GRM7: variants seen among roughly 807,000 people sequenced by gnomAD.
GRM7 encodes the protein metabotropic glutamate receptor 7.
GRM7 carries 35 observed loss-of-function variants against 84.5 expected under a neutral mutation model. The ratio of observed to expected loss-of-function variants is 0.41; its 90% CI spans 0.32 to 0.55. The LOEUF is 0.55. GRM7 is among the 20% of genes least tolerant of loss of function. The pLI, the probability that GRM7 is intolerant of heterozygous loss-of-function variation, is 0.19. For missense variants in GRM7, 1,003 were observed against 1,194.6 expected, an observed-to-expected ratio of 0.84 and a Z score of 2.36; for synonymous variants, 487 against 455.1, an observed-to-expected ratio of 1.07 and a Z score of -0.89.
At chr3:7,463,973 C>G (rs79734985) in intron 7 of GRM7, among the ~76,000 whole-genome samples, 1 of 152,084 alleles carries the variant, frequency 6.6e-6, no homozygotes, top group African/African-American at 2.4e-5. Context: ...AGCAGAAAGA[C>G]CAATTATGAT....
intron 7 of GRM7, among the ~76,000 whole-genome samples, chr3:7,552,308 T>C (rs1163334956): frequency 6.6e-6 from 1 of 152,168 alleles, no homozygotes; most frequent in Non-Finnish European, 1.5e-5. Flanking sequence ...CCTGGTTGCT[T>C]TCATCGGCTG....
chr3:7,218,726 C>T (rs1281499891), intron 2 of GRM7, among the ~76,000 whole-genome samples: 2 of 151,940 alleles, frequency 1.3e-5, no homozygotes, highest in Non-Finnish European at 2.9e-5. Flanking sequence ...TATTCATAAT[C>T]TCTACATTTC....
intron 7 of GRM7, among the ~76,000 whole-genome samples, chr3:7,494,793 CT>C (rs1559361080): frequency 6.6e-6 from 1 of 152,108 alleles, no homozygotes; most frequent in Non-Finnish European, 1.5e-5. Flanking sequence ...TCACTGGGTT[CT>C]TTTTCATAAT....
In GRM7 at chr3:7,654,176, C is replaced by T. The variant is rs374380370; in HGVS notation, c.2452-25873C>T. ...CTTATGGCAAGCCCCTTCAAAACAG[C>T]TTTGAAAAAGACCTTTGCGCAAGTA... On this transcript the variant is annotated intron_variant, in intron 8 of 9. Transcript: ENST00000357716. 1.2e-4 allele frequency among the ~76,000 whole-genome samples: 18 copies of T among 152,288 alleles called. No individual in the cohort carries two copies. The East Asian group carries it at 2.7e-3, about 23-fold the overall frequency.
At chr3:7,499,579 T>C (rs896905777) in intron 7 of GRM7, among the ~76,000 whole-genome samples, 6 of 152,182 alleles carry the variant, frequency 3.9e-5, no homozygotes, top group African/African-American at 1.4e-4. Context: ...CAAAATTCTC[T>C]GAGTAGGGAC....
At chr3:7,005,652 A>G (rs1163141271) in intron 1 of GRM7, among the ~76,000 whole-genome samples, 5 of 152,236 alleles carry the variant, frequency 3.3e-5, no homozygotes, top group African/African-American at 4.8e-5. Flanking sequence ...ATAGTTAGCC[A>G]TTGTTAGTAA....
At chr3:7,221,531 T>C (rs1420977792) in intron 2 of GRM7, among the ~76,000 whole-genome samples, 1 of 152,052 alleles carries the variant, frequency 6.6e-6, no homozygotes, top group Non-Finnish European at 1.5e-5. Context: ...TTAGTTGACT[T>C]AGTCAATCTC....
chr3:7,726,796 A>G (rs552471468), intron 9 of GRM7, among the ~76,000 whole-genome samples: 1 of 150,454 alleles, frequency 6.6e-6, no homozygotes, highest in African/African-American at 2.4e-5. Context: ...CATCCAATAA[A>G]TTTAATATTG....
intron 8 of GRM7, among the ~76,000 whole-genome samples, chr3:7,612,455 G>A (rs1696889618): frequency 6.6e-6 from 1 of 152,174 alleles, no homozygotes; most frequent in South Asian, 2.1e-4. Flanking sequence ...AACCTCCTAG[G>A]AATGAGTGGA....
intron 4 of GRM7, among the ~76,000 whole-genome samples, chr3:7,383,469 T>C (rs1168900084): frequency 1.3e-5 from 2 of 152,214 alleles, no homozygotes; most frequent in African/African-American, 4.8e-5. Flanking sequence ...AAATAATACC[T>C]TGTATACATA....
chr3:7,082,920 G>A (rs772375337), intron 1 of GRM7, among the ~76,000 whole-genome samples: 31 of 152,114 alleles, frequency 2.0e-4, no homozygotes, highest in Non-Finnish European at 3.8e-4. Flanking sequence ...TTGAATGAAC[G>A]AGGAATTGCT....
chr3:6,867,868 C>T (rs963629366), intron 1 of GRM7, among the ~76,000 whole-genome samples: 1 of 152,024 alleles, frequency 6.6e-6, no homozygotes, highest in Non-Finnish European at 1.5e-5. Context: ...ACCTTCTTCA[C>T]ATTATATTTC....
intron 1 of GRM7, among the ~76,000 whole-genome samples, chr3:6,872,332 C>G (rs1298099189): frequency 6.6e-6 from 1 of 152,198 alleles, no homozygotes; most frequent in African/African-American, 2.4e-5. Flanking sequence ...AACTGCCACT[C>G]TCCAAGCTTG....
intron 4 of GRM7, among the ~76,000 whole-genome samples, chr3:7,332,923 A>C (rs149377735): frequency 6.6e-6 from 1 of 152,038 alleles, no homozygotes; most frequent in Non-Finnish European, 1.5e-5. Context: ...TGGGAGCTCT[A>C]TGGCTCCTCC....
intron 1 of GRM7, among the ~76,000 whole-genome samples, chr3:6,902,845 A>G (rs942864762): frequency 8.6e-6 from 1 of 116,260 alleles, no homozygotes; most frequent in African/African-American, 3.7e-5. Context: ...TCACAAACAG[A>G]CTCCTACACA....
In GRM7 at chr3:7,468,015, G is replaced by T. The variant is rs187884703; in HGVS notation, c.1515+6293G>T. On this transcript the variant is annotated intron_variant, in intron 7 of 9. Transcript: ENST00000357716. ...GCTGTCACAGACACCTAAGACATAA[G>T]AAAAGCAGTTGATTGCCAAAATCTG... 1.3e-3 allele frequency among the ~76,000 whole-genome samples: 205 copies of T among 152,240 alleles called. 1 individual carries two copies. Among genetic ancestry groups the T allele is most frequent in the African/African-American group, 4.8e-3 (199 of 41,568 alleles).
intron 2 of GRM7, among the ~76,000 whole-genome samples, chr3:7,167,136 A>G (rs771710814): frequency 2.6e-5 from 4 of 152,210 alleles, no homozygotes; most frequent in African/African-American, 7.2e-5. Flanking sequence ...TTTCCAATCA[A>G]TCAAATATTT....
Position 7,702,420 on chromosome 3 carries a change from A to G in GRM7, c.2698+22125A>G, listed in dbSNP as rs574308397. ...ATTTTGACTATGTACAACCTTTGCC[A>G]TGCATGCTGATTTAAAAACCTAACC... On this transcript the variant is annotated intron_variant, in intron 9 of 9. Coordinates refer to ENST00000357716, the MANE Select transcript of GRM7 (RefSeq NM_000844.4). 2.0e-5 allele frequency among the ~76,000 whole-genome samples: 3 copies of G among 152,338 alleles called. No individual in the cohort carries two copies. The South Asian group carries it at 6.2e-4, about 32-fold the overall frequency.
chr3:7,187,713 G>A (rs1695568614), intron 2 of GRM7, among the ~76,000 whole-genome samples: 1 of 152,110 alleles, frequency 6.6e-6, no homozygotes, highest in African/African-American at 2.4e-5. Context: ...AAATTTCTAG[G>A]GAAGGATTAG....
Sources: gnomAD v4.1 joint callset for allele counts (sites outside exome capture counted in the v4.1 genomes callset) on GRCh38, gnomAD v4.1.1 for gene constraint, MANE v1.5 for transcripts, NCBI Gene and HGNC (gene_info 2026-07-23, HGNC 2026-07-21) for gene names.